PCGF5: variants seen among roughly 807,000 people sequenced by gnomAD.
PCGF5 encodes polycomb group RING finger protein 5.
Under a neutral mutation model 44.3 loss-of-function variants are expected in PCGF5, and 9 were observed. The observed-to-expected ratio is 0.20, with a 90% CI of 0.12 to 0.35. The LOEUF (loss-of-function observed/expected upper bound fraction) is 0.35, where lower values mean the gene tolerates loss of function less well. PCGF5 is among the 10% of genes least tolerant of loss of function. The pLI is 1.00. For synonymous variants in PCGF5, 95 were observed against 102.5 expected (o/e 0.93, Z 0.44); for missense variants, 146 against 305.3 (o/e 0.48, Z 3.89).
At chr10:91,160,918 C>G (rs1843371960), upstream of PCGF5, among the ~76,000 whole-genome samples, 1 of 152,228 alleles carries the variant, frequency 6.6e-6, no homozygotes, top group South Asian at 2.1e-4. Context: ...CCGCTGGGCT[C>G]TCAGACCCAT....
chr10:91,163,695 A>G (rs916904195), intron 1 of PCGF5, among the ~76,000 whole-genome samples: 2 of 152,032 alleles, frequency 1.3e-5, no homozygotes, highest in African/African-American at 4.8e-5. Flanking sequence ...CACGGAGAGG[A>G]AAGGGGCGAG....
At chr10:91,231,995 T>A (rs1845019686) in intron 2 of PCGF5, among the ~76,000 whole-genome samples, 1 of 152,186 alleles carries the variant, frequency 6.6e-6, no homozygotes. Context: ...ACTCCTGGAA[T>A]GATCAGCATA....
chr10:91,184,071 G>C (rs1349446675), intron 1 of PCGF5, among the ~76,000 whole-genome samples: 1 of 151,930 alleles, frequency 6.6e-6, no homozygotes, highest in African/African-American at 2.4e-5. Context: ...TATCTTACTG[G>C]GGTTCTCTGC....
At chr10:91,195,160 G>A (rs1348107009) in intron 1 of PCGF5, among the ~76,000 whole-genome samples, 1 of 152,152 alleles carries the variant, frequency 6.6e-6, no homozygotes, top group African/African-American at 2.4e-5. Flanking sequence ...TAGTAGAAGA[G>A]GGTCACATAG....
chr10:91,239,940 A>G (rs1231503723), intron 2 of PCGF5, among the ~76,000 whole-genome samples: 2 of 152,128 alleles, frequency 1.3e-5, no homozygotes, highest in Non-Finnish European at 2.9e-5. Flanking sequence ...TTCGTGCTCC[A>G]TGGAATTATA....
At chr10:91,275,514 C>T (rs1328476897) in intron 9 of PCGF5, among the ~76,000 whole-genome samples, 1 of 150,580 alleles carries the variant, frequency 6.6e-6, no homozygotes, top group Non-Finnish European at 1.5e-5. Flanking sequence ...GATCTTGGCT[C>T]ATTGCAGCCT....
chr10:91,197,246 G>T (rs1844151521), intron 1 of PCGF5, among the ~76,000 whole-genome samples: 1 of 152,176 alleles, frequency 6.6e-6, no homozygotes, highest in South Asian at 2.1e-4. Flanking sequence ...CGAAGTATGG[G>T]GAAATCATCT....
chr10:91,251,590 G>C, intron 6 of PCGF5, 150 bp downstream of exon 6: 1 of 794,880 alleles, frequency 1.3e-6, no homozygotes, highest in Non-Finnish European at 2.0e-6. Flanking sequence ...ACAATCCTAT[G>C]CTTAGAAATG....
intron 1 of PCGF5, among the ~76,000 whole-genome samples, chr10:91,197,863 T>G (rs1041163142): frequency 1.3e-5 from 2 of 152,204 alleles, no homozygotes; most frequent in African/African-American, 2.4e-5. Flanking sequence ...TCCAAGGAAA[T>G]AGAAACAAGA....
At chr10:91,223,327 G>T (rs1844730801) in intron 2 of PCGF5, among the ~76,000 whole-genome samples, 1 of 152,106 alleles carries the variant, frequency 6.6e-6, no homozygotes, top group Non-Finnish European at 1.5e-5. Context: ...TTTAGGATAT[G>T]CAGACTCTTA....
intron 8 of PCGF5, among the ~76,000 whole-genome samples, chr10:91,266,285 G>C (rs773635052): frequency 6.6e-6 from 1 of 152,126 alleles, no homozygotes; most frequent in African/African-American, 2.4e-5. Flanking sequence ...TCCACTGCAC[G>C]ACCTCTACAA....
chr10:91,214,452 G>A (rs1057055872), intron 1 of PCGF5, among the ~76,000 whole-genome samples: 21 of 152,148 alleles, frequency 1.4e-4, no homozygotes, highest in African/African-American at 5.1e-4. Context: ...CAGGGAGGTT[G>A]CTACCAGAAG....
chr10:91,253,108 T>C (rs187868684), intron 6 of PCGF5, among the ~76,000 whole-genome samples: 10 of 152,152 alleles, frequency 6.6e-5, no homozygotes, highest in Non-Finnish European at 1.5e-5. Context: ...TATGTAAGTA[T>C]GTCCTAATAC....
intron 5 of PCGF5, among the ~76,000 whole-genome samples, chr10:91,250,708 T>C (rs1845603130): frequency 6.6e-6 from 1 of 151,826 alleles, no homozygotes; most frequent in Non-Finnish European, 1.5e-5. Context: ...CATTTGTATA[T>C]AATATAAAGT....
chr10:91,171,475 A>G (rs1379420145), intron 1 of PCGF5, among the ~76,000 whole-genome samples: 1 of 152,200 alleles, frequency 6.6e-6, no homozygotes, highest in Non-Finnish European at 1.5e-5. Flanking sequence ...GCCTAGTGAT[A>G]GGATGAATCA....
chr10:91,224,579 G>C (rs1844765889), intron 2 of PCGF5, among the ~76,000 whole-genome samples: 2 of 152,186 alleles, frequency 1.3e-5, no homozygotes, highest in South Asian at 4.1e-4. Context: ...GTAATTTATA[G>C]TGGGTCAGCC....
intron 2 of PCGF5, among the ~76,000 whole-genome samples, chr10:91,236,411 G>A (rs1845165188): frequency 6.6e-6 from 1 of 152,206 alleles, no homozygotes; most frequent in Non-Finnish European, 1.5e-5. Context: ...TTTCCCACCT[G>A]AGGACATCTT....
At chr10:91,275,550 C>T (rs2133465102) in intron 9 of PCGF5, among the ~76,000 whole-genome samples, 1 of 151,404 alleles carries the variant, frequency 6.6e-6, no homozygotes, top group East Asian at 1.9e-4. Flanking sequence ...AAGTGATTCT[C>T]CTGCCTCAGC....
intron 1 of PCGF5, among the ~76,000 whole-genome samples, chr10:91,188,780 G>A (rs1310583910): frequency 2.0e-5 from 3 of 152,176 alleles, no homozygotes; most frequent in Non-Finnish European, 4.4e-5. Flanking sequence ...GATCTACAGA[G>A]TGTCATTTGG....
Sources: allele counts gnomAD v4.1 joint callset (sites outside exome capture counted in the v4.1 genomes callset), GRCh38; gene constraint gnomAD v4.1.1; transcripts MANE v1.5; gene names NCBI Gene and HGNC (gene_info 2026-07-23, HGNC 2026-07-21).